Variants in BMPR2 observed in about 807,000 individuals in gnomAD.
BMPR2 encodes the protein bone morphogenetic protein receptor type-2.
In BMPR2, 29 loss-of-function variants were observed where a neutral mutation model predicts 100.8. That is an observed-to-expected ratio of 0.29 (90% CI 0.21 to 0.39). BMPR2 has a LOEUF of 0.39. Ranked by LOEUF, BMPR2 falls within the 10% of genes least tolerant of loss-of-function variation. The pLI is 1.00. For synonymous variants in BMPR2, 382 were observed against 442.3 expected (o/e 0.86, Z 1.71); for missense variants, 1,011 against 1,274.5 (o/e 0.79, Z 3.15).
At chr2:202,387,823 G>A (rs745366520) in intron 1 of BMPR2, among the ~76,000 whole-genome samples, 15 of 152,272 alleles carry the variant, frequency 9.9e-5, no homozygotes, top group Non-Finnish European at 1.3e-4. Flanking sequence ...CCAGTCTAGT[G>A]TGAAGAAAAA....
At chr2:202,488,558 A>G (rs1692829607) in intron 3 of BMPR2, among the ~76,000 whole-genome samples, 1 of 151,954 alleles carries the variant, frequency 6.6e-6, no homozygotes, top group African/African-American at 2.4e-5. Context: ...TCCTGGGCTC[A>G]AGTGATCCTC....
At chr2:202,547,172 A>G (rs563528090) in intron 10 of BMPR2, among the ~76,000 whole-genome samples, 2 of 152,312 alleles carry the variant, frequency 1.3e-5, no homozygotes, top group African/African-American at 4.8e-5. Context: ...TTCCTCCTAC[A>G]TAAAATTTTC....
rs201631372 is a variant in BMPR2 at position 202,559,693 on chromosome 2, C to G, written c.2867-3C>G. 1.9e-5 allele frequency: 31 copies of G among 1,613,870 alleles called. No homozygotes were observed. The East Asian group carries it at 6.9e-4, about 36-fold the overall frequency. Reference sequence around the variant, plus strand: ...GCTCATTTTTCTGCACTTTTATTTTCAGTAGGTGAGTCAACACAAGATGGC... The same window carrying G: ...GCTCATTTTTCTGCACTTTTATTTTGAGTAGGTGAGTCAACACAAGATGGC... On this transcript the variant is annotated splice_polypyrimidine_tract_variant and splice_region_variant and intron_variant, in intron 12 of 12. Transcript: ENST00000374580.
intron 1 of BMPR2, among the ~76,000 whole-genome samples, chr2:202,455,546 T>A (rs1011032926): frequency 2.6e-5 from 4 of 152,240 alleles, no homozygotes; most frequent in African/African-American, 9.7e-5. Flanking sequence ...ACGTTAGTCT[T>A]ATTTTGAGTG....
chr2:202,555,363 T>A lies in BMPR2; in HGVS notation c.1698T>A (p.Ile566=), dbSNP rs948158717. ...ATACTGACAGCATCGTGAAGAATATTTCCTCTGAGCATTCTATGTCCAGCA... is the reference window on the plus strand; with the variant it reads ...ATACTGACAGCATCGTGAAGAATATATCCTCTGAGCATTCTATGTCCAGCA... ...IHHTDSIVKN[I]SSEHSMSSTP... Residue 566 remains isoleucine (I), a synonymous_variant, in exon 12 of 13, where the codon ATT becomes ATA. Transcript: ENST00000374580. 5.2e-5 allele frequency: 84 copies of A among 1,614,034 alleles called. No individual in the cohort carries two copies. Among genetic ancestry groups the A allele is most frequent in the Non-Finnish European group, 6.9e-5 (82 of 1,180,036 alleles).
intron 9 of BMPR2, among the ~76,000 whole-genome samples, chr2:202,541,371 G>A (rs1412777678): frequency 1.3e-5 from 2 of 151,148 alleles, no homozygotes; most frequent in Non-Finnish European, 2.9e-5. Flanking sequence ...TCAAGTTACA[G>A]TGAGCTATGA....
At chr2:202,415,047 GAAAACT>G (rs1448374250) in intron 1 of BMPR2, among the ~76,000 whole-genome samples, 8 of 152,062 alleles carry the variant, frequency 5.3e-5, no homozygotes, top group African/African-American at 1.9e-4. Flanking sequence ...AGTCTTCTGT[GAAAACT>G]GAGAGAGGTA....
intron 1 of BMPR2, among the ~76,000 whole-genome samples, chr2:202,440,749 A>G (rs1466310254): frequency 1.3e-5 from 2 of 150,346 alleles, no homozygotes; most frequent in Non-Finnish European, 2.9e-5. Flanking sequence ...TGGTGGCAGT[A>G]CAGTCCAGCC....
intron 3 of BMPR2, among the ~76,000 whole-genome samples, chr2:202,496,499 CAAAA>C (rs1285605392): frequency 6.7e-6 from 1 of 148,270 alleles, no homozygotes; most frequent in East Asian, 2.0e-4. Context: ...AAAAAAAAAT[CAAAA>C]GAACAAATTA....
At chr2:202,386,482 T>G (rs1389008555) in intron 1 of BMPR2, among the ~76,000 whole-genome samples, 1 of 152,146 alleles carries the variant, frequency 6.6e-6, no homozygotes, top group Non-Finnish European at 1.5e-5. Flanking sequence ...TCCAATCTGA[T>G]AGCAAAAACT....
At chr2:202,531,000 A>T in intron 8 of BMPR2, 46 bp downstream of exon 8, 1 of 1,607,600 alleles carries the variant, frequency 6.2e-7, no homozygotes, top group South Asian at 1.1e-5. Context: ...TTGAAATGAT[A>T]ATTTAATTAA....
At chr2:202,469,549 G>A (rs541572409) in intron 3 of BMPR2, 19 of 291,374 alleles carry the variant, frequency 6.5e-5, no homozygotes, top group South Asian at 3.6e-4. Context: ...GCACGATCCC[G>A]GCTCACTGCA....
chr2:202,532,740 C>T lies in BMPR2; in HGVS notation c.1276+8C>T. 1 of 1,610,756 alleles carries T rather than the reference C, an allele frequency of 6.2e-7. No homozygotes were observed. Among genetic ancestry groups the T allele is most frequent in the East Asian group, 2.2e-5 (1 of 44,822 alleles). On this transcript the variant is annotated splice_region_variant and intron_variant, in intron 9 of 12. Transcript: ENST00000374580. The surrounding 1 kb of genome is among the most constrained non-coding windows in gnomAD (Gnocchi z 4.1). The stretch of plus-strand genomic sequence containing the variant: ...GTACAGACCTCTTCCCAGGTAAAAA[C>T]TACTGTCAAAAGTTGATATTTTTTG...
intron 1 of BMPR2, among the ~76,000 whole-genome samples, chr2:202,457,866 A>G (rs968110842): frequency 6.6e-6 from 1 of 152,034 alleles, no homozygotes; most frequent in African/African-American, 2.4e-5. Context: ...AGTAGCTGAG[A>G]TGACAGGCAC....
chr2:202,389,999 A>G (rs1170702128), intron 1 of BMPR2, among the ~76,000 whole-genome samples: 2 of 108,058 alleles, frequency 1.9e-5, no homozygotes, highest in African/African-American at 4.1e-5. Context: ...AATGAAGTAT[A>G]CAAAAAAAAA....
chr2:202,452,314 C>A (rs529351398), intron 1 of BMPR2, among the ~76,000 whole-genome samples: 74 of 152,296 alleles, frequency 4.9e-4, no homozygotes, highest in African/African-American at 1.5e-3. Flanking sequence ...CATATTGTTA[C>A]ATAATCTATT....
In BMPR2 at chr2:202,494,135, A is replaced by G. The variant is rs1692969265; in HGVS notation, c.419-19584A>G. On this transcript the variant is annotated intron_variant, in intron 3 of 12. Coordinates refer to ENST00000374580, the MANE Select transcript of BMPR2 (RefSeq NM_001204.7). ...TTTGTTCAAAACATTGAGCTCCACA[A>G]TAAATCATAGTACAGAAACAATATC... is the stretch of plus-strand genomic sequence containing the variant. Among the ~76,000 whole-genome samples, 4 of 152,246 alleles carry G rather than the reference A, an allele frequency of 2.6e-5. No homozygotes were observed. In the South Asian group the frequency reaches 8.3e-4, roughly 32 times the overall value.
At chr2:202,435,028 A>C (rs1259942734) in intron 1 of BMPR2, among the ~76,000 whole-genome samples, 1 of 143,966 alleles carries the variant, frequency 6.9e-6, no homozygotes, top group East Asian at 2.0e-4. Context: ...CCGCCTGGGC[A>C]ACATGGTGAG....
intron 1 of BMPR2, among the ~76,000 whole-genome samples, chr2:202,435,120 G>A (rs1025260722): frequency 3.5e-5 from 5 of 144,694 alleles, no homozygotes; most frequent in Non-Finnish European, 1.5e-5. Flanking sequence ...AGCACTTTGG[G>A]AGGCCAAGGC....
Sources: allele counts gnomAD v4.1 joint callset (sites outside exome capture counted in the v4.1 genomes callset), GRCh38; gene constraint gnomAD v4.1.1; non-coding constraint Gnocchi (gnomAD v3.1); transcripts MANE v1.5; gene names NCBI Gene and HGNC (gene_info 2026-07-23, HGNC 2026-07-21).